PHACTR2: variants seen among roughly 807,000 people sequenced by gnomAD.
PHACTR2 encodes the protein chromosome 6 open reading frame 56.
A neutral mutation model predicts 76.0 loss-of-function variants in PHACTR2; 30 were observed. That is an observed-to-expected ratio of 0.39 (90% CI 0.30 to 0.54). The LOEUF (loss-of-function observed/expected upper bound fraction) is 0.54, where lower values mean the gene tolerates loss of function less well. Among genes scored for constraint, PHACTR2 ranks in the 20% least tolerant of loss-of-function variants. The pLI, the probability that PHACTR2 is intolerant of heterozygous loss-of-function variation, is 0.61. For missense variants in PHACTR2, 696 were observed against 781.1 expected, an observed-to-expected ratio of 0.89 and a Z score of 1.30; for synonymous variants, 292 against 292.5, an observed-to-expected ratio of 1.00 and a Z score of 0.02.
Position 143,800,012 on chromosome 6 carries a change from G to C in PHACTR2, c.1846-7045G>C, listed in dbSNP as rs1775916221. On this transcript the variant is annotated intron_variant, in intron 11 of 12. Transcript: ENST00000440869. This position sits in a 1 kb window ranked among gnomAD's most constrained non-coding sequence, Gnocchi z 4.8. ...AGTCTCCCATTATTATTGTGTGGGA[G>C]TCTAAGTTTCTTTGTAAGTCTCTAA... 1.3e-5 allele frequency among the ~76,000 whole-genome samples: 2 copies of C among 152,166 alleles called. No homozygotes were observed. The highest frequency in any genetic ancestry group is 4.1e-4 in the South Asian group (2 of 4,832).
chr6:143,681,416 A>C (rs1294304180), intron 1 of PHACTR2, among the ~76,000 whole-genome samples: 2 of 151,972 alleles, frequency 1.3e-5, no homozygotes, highest in Admixed American at 1.3e-4. Flanking sequence ...AAATGTCTTC[A>C]GATCCTTTGC....
chr6:143,820,599 A>G lies in PHACTR2; in HGVS notation c.1923-3075A>G, dbSNP rs530339792. On this transcript the variant is annotated intron_variant, in intron 12 of 12. Transcript: ENST00000440869. This position sits in a 1 kb window ranked among gnomAD's most constrained non-coding sequence, Gnocchi z 4.2. ...TAAGTGGGCAGCTCTACCCCTGTGG[A>G]TTTGCAAGGTGCAGCCCCCAGGCTG... 1.3e-5 allele frequency among the ~76,000 whole-genome samples: 2 copies of G among 152,158 alleles called. No homozygotes were observed. Among genetic ancestry groups the G allele is most frequent in the Non-Finnish European group, 2.9e-5 (2 of 68,018 alleles).
At chr6:143,749,323 G>A (rs901860588) in intron 3 of PHACTR2, among the ~76,000 whole-genome samples, 2 of 152,134 alleles carry the variant, frequency 1.3e-5, no homozygotes, top group Admixed American at 6.5e-5. Context: ...AGGTACATCC[G>A]AGGGCAATAC....
rs1777795602 is a variant in PHACTR2, at chr6:143,697,290, C to T, written c.47-14726C>T. Among the ~76,000 whole-genome samples the T allele has an allele frequency of 6.6e-6, 1 of 152,040 alleles. No individual in the cohort carries two copies. The highest frequency in any genetic ancestry group is 1.5e-5 in the Non-Finnish European group (1 of 68,018). ...GTAACTTATTTTCTTGTTTCTTTGC[C>T]ATGGAACAAAATTGCTTTTCTGGCT... On this transcript the variant is annotated intron_variant, in intron 1 of 12. Coordinates refer to ENST00000440869, the MANE Select transcript of PHACTR2 (RefSeq NM_001100164.2). The surrounding 1 kb of genome is among the most constrained non-coding windows in gnomAD (Gnocchi z 4.4).
chr6:143,579,095 G>A (rs1775545529), intron 1 of PHACTR2, among the ~76,000 whole-genome samples: 1 of 152,068 alleles, frequency 6.6e-6, no homozygotes, highest in Non-Finnish European at 1.5e-5. Flanking sequence ...GTAGAGATAG[G>A]GTTTTGCCAT....
chr6:143,817,057 C>T (rs1246047936), intron 12 of PHACTR2, among the ~76,000 whole-genome samples: 1 of 151,894 alleles, frequency 6.6e-6, no homozygotes. Context: ...CAGAGTGAGA[C>T]GGTGTCCCCC....
At chr6:143,746,424 C>G (rs1296842694) in intron 2 of PHACTR2, among the ~76,000 whole-genome samples, 2 of 152,204 alleles carry the variant, frequency 1.3e-5, no homozygotes, top group Non-Finnish European at 2.9e-5. Context: ...TGATTGAATG[C>G]TGAATTGGCA....
Position 143,581,137 on chromosome 6 carries a change from G to A in PHACTR2, c.217+43930G>A, listed in dbSNP as rs1476267292. Among the ~76,000 whole-genome samples the A allele has an allele frequency of 6.6e-6, 1 of 152,194 alleles. No homozygotes were observed. The highest frequency in any genetic ancestry group is 1.5e-5 in the Non-Finnish European group (1 of 68,032). ...CCAGAGTGATAAGCAGACACTGAAG[G>A]CAAGGCCAACCTCAGGGCTTGGCTC... is the stretch of plus-strand genomic sequence containing the variant. On this transcript the variant is annotated intron_variant, in intron 1 of 11. Transcript: ENST00000367584. This position sits in a 1 kb window ranked among gnomAD's most constrained non-coding sequence, Gnocchi z 4.5.
Position 143,558,543 on chromosome 6 carries a change from T to A in PHACTR2, c.217+21336T>A, listed in dbSNP as rs2128428708. Among the ~76,000 whole-genome samples, 1 of 152,352 alleles carries A rather than the reference T, an allele frequency of 6.6e-6. No homozygotes were observed. The highest frequency in any genetic ancestry group is 1.9e-4 in the East Asian group (1 of 5,186). ...GAAATTAACTGTTTCCATGTCCATT[T>A]TCATTTTTTAGGCTACATGGTGGGG... On this transcript the variant is annotated intron_variant, in intron 1 of 11. Transcript: ENST00000367584. The surrounding 1 kb of genome is among the most constrained non-coding windows in gnomAD (Gnocchi z 4.7).
intron 11 of PHACTR2, among the ~76,000 whole-genome samples, chr6:143,805,822 T>C (rs1776051389): frequency 6.6e-6 from 1 of 152,204 alleles, no homozygotes; most frequent in Non-Finnish European, 1.5e-5. Context: ...TGGACTTAAA[T>C]ATAGCATTGA....
chr6:143,544,195 C>A (rs1453207790), intron 1 of PHACTR2, among the ~76,000 whole-genome samples: 1 of 150,436 alleles, frequency 6.6e-6, no homozygotes, highest in African/African-American at 2.5e-5. Flanking sequence ...CTTTGACCTG[C>A]CTTGTGTGAT....
At chr6:143,746,191 T>G (rs1779061970) in intron 2 of PHACTR2, among the ~76,000 whole-genome samples, 1 of 152,168 alleles carries the variant, frequency 6.6e-6, no homozygotes, top group Admixed American at 6.5e-5. Context: ...TGAATTGTCC[T>G]TAGTGATCCT....
At chr6:143,752,360 G>A (rs1163985596) in intron 3 of PHACTR2, among the ~76,000 whole-genome samples, 1 of 151,838 alleles carries the variant, frequency 6.6e-6, no homozygotes, top group Non-Finnish European at 1.5e-5. Context: ...TGGATATATT[G>A]TGTTCTCCTC....
At chr6:143,728,357 G>A (rs572874356) in intron 2 of PHACTR2, among the ~76,000 whole-genome samples, 46 of 151,270 alleles carry the variant, frequency 3.0e-4, no homozygotes, top group Admixed American at 6.6e-4. Context: ...GACTACAGGC[G>A]CACACCACCA....
intron 2 of PHACTR2, among the ~76,000 whole-genome samples, chr6:143,712,526 C>T (rs1778199985): frequency 9.5e-6 from 1 of 104,770 alleles, no homozygotes; most frequent in Non-Finnish European, 2.0e-5. Flanking sequence ...TTTTTATATA[C>T]ACATGATGTT....
intron 1 of PHACTR2, among the ~76,000 whole-genome samples, chr6:143,690,976 C>T (rs1777631360): frequency 6.6e-6 from 1 of 152,142 alleles, no homozygotes; most frequent in African/African-American, 2.4e-5. Context: ...TTACAAACTA[C>T]CATTGATATT....
chr6:143,642,442 A>C (rs1254078319), intron 1 of PHACTR2, among the ~76,000 whole-genome samples: 1 of 152,242 alleles, frequency 6.6e-6, no homozygotes, highest in Non-Finnish European at 1.5e-5. Context: ...TCTTATCTTC[A>C]GAGCTCTTAG....
intron 2 of PHACTR2, among the ~76,000 whole-genome samples, chr6:143,717,985 A>G (rs1339887974): frequency 6.6e-6 from 1 of 152,248 alleles, no homozygotes; most frequent in Admixed American, 6.5e-5. Context: ...TAAGAAGCCA[A>G]TAAAATTGGA....
chr6:143,693,269 A>G (rs1777690587), intron 1 of PHACTR2, among the ~76,000 whole-genome samples: 1 of 151,802 alleles, frequency 6.6e-6, no homozygotes, highest in African/African-American at 2.4e-5. Flanking sequence ...ACGGAGTCTT[A>G]CTCCATCACC....
Sources: allele counts gnomAD v4.1 joint callset (sites outside exome capture counted in the v4.1 genomes callset), GRCh38; gene constraint gnomAD v4.1.1; non-coding constraint Gnocchi (gnomAD v3.1); transcripts MANE v1.5; gene names NCBI Gene and HGNC (gene_info 2026-07-23, HGNC 2026-07-21).